The following PRPF38A variants were observed in gnomAD, a reference collection of about 807,000 sequenced individuals.
PRPF38A encodes the protein pre-mRNA-splicing factor 38A.
A neutral mutation model predicts 46.8 loss-of-function variants in PRPF38A; 11 were observed. That is an observed-to-expected ratio of 0.24 (90% CI 0.15 to 0.39). The LOEUF is 0.39. Ranked by LOEUF, PRPF38A falls within the 10% of genes least tolerant of loss-of-function variation. PRPF38A has a pLI of 1.00. For synonymous variants in PRPF38A, 124 were observed against 136.2 expected (o/e 0.91, Z 0.62); for missense variants, 261 against 407.5 (o/e 0.64, Z 3.10).
At chr1:52,405,023 T>C in intron 1 of PRPF38A, 144 bp downstream of exon 1, 2 of 855,318 alleles carry the variant, frequency 2.3e-6, no homozygotes, top group Non-Finnish European at 3.7e-6. Flanking sequence ...GAGTGCCTGC[T>C]AAGTGCCTCG....
intron 2 of PRPF38A, among the ~76,000 whole-genome samples, chr1:52,407,327 A>C (rs975979112): frequency 2.6e-5 from 4 of 152,210 alleles, no homozygotes; most frequent in African/African-American, 9.6e-5. Flanking sequence ...GAACGACTCT[A>C]ATAAAGCATT....
chr1:52,408,591 C>G lies in PRPF38A; in HGVS notation c.313C>G (p.Leu105Val). Reference protein sequence around the residue: ...DFKYVRMLGALYMRLTGTAID... With the variant: ...DFKYVRMLGAVYMRLTGTAID... ...CAGGTATGTCCGCATGCTGGGGGCA[C>G]TTTACATGAGGCTGACAGGCACTGC... is the stretch of plus-strand genomic sequence containing the variant. Residue 105 changes from leucine (L) to valine (V), a missense_variant, in exon 3 of 10, where the codon CTT becomes GTT. Transcript: ENST00000257181. 2 of 1,614,194 alleles carry G rather than the reference C, an allele frequency of 1.2e-6. No homozygotes were observed. Among genetic ancestry groups the G allele is most frequent in the Non-Finnish European group, 1.7e-6 (2 of 1,180,030 alleles).
rs558628691 is a variant in PRPF38A, at chr1:52,419,786, C to T, written c.*3096C>T. 7 of 152,406 alleles carry T rather than the reference C, an allele frequency of 4.6e-5. No homozygotes were observed. Among genetic ancestry groups the T allele is most frequent in the African/African-American group, 1.4e-4 (6 of 41,554 alleles). 9.4% of individuals were successfully genotyped at this position (152,406 alleles called of 1,614,324 possible). On this transcript the variant is annotated 3_prime_UTR_variant, in exon 10 of 10. Coordinates refer to ENST00000257181, the MANE Select transcript of PRPF38A (RefSeq NM_032864.4). ...AAAGAATTGGCCGGGTGCGGTGGCT[C>T]ACGCCTGTAATCCCAGCACTTTGGG...
At chr1:52,407,675 C>T (rs975946514) in intron 2 of PRPF38A, among the ~76,000 whole-genome samples, 4 of 152,188 alleles carry the variant, frequency 2.6e-5, no homozygotes, top group Non-Finnish European at 5.9e-5. Flanking sequence ...AATCCCAGCA[C>T]TTTGGGAGGC....
chr1:52,420,545 A>G lies in PRPF38A; in HGVS notation c.*3855A>G, dbSNP rs1416794224. 1.3e-5 allele frequency: 2 copies of G among 152,128 alleles called. No homozygotes were observed. The highest frequency in any genetic ancestry group is 2.9e-5 in the Non-Finnish European group (2 of 68,018). The allele number at this position is 152,128 out of a possible 1,614,324, so 9.4% of individuals were successfully genotyped here. On this transcript the variant is annotated 3_prime_UTR_variant, in exon 10 of 10. Transcript: ENST00000257181. ...ATTTTAGGAGAAATCTTACAAGACT[A>G]GATTCTCTTGTGGGGAAAAAAGTAT...
At chr1:52,408,241 AAAAAT>A (rs1161807108) in intron 2 of PRPF38A, 4 of 393,094 alleles carry the variant, frequency 1.0e-5, no homozygotes, top group Admixed American at 3.2e-5. Context: ...CTCTGCCTTA[AAAAAT>A]AAAATAAAAT....
rs146126180 is a variant in PRPF38A at position 52,411,105 on chromosome 1, T to C, written c.413-10T>C. On this transcript the variant is annotated splice_polypyrimidine_tract_variant and intron_variant, in intron 3 of 9. Transcript: ENST00000257181. ...TCCAGGTTGTTTGCTCTAATGACTT[T>C]TTCTTGCAGAGTTTGAATTGATGCA... 2.2e-4 allele frequency: 355 copies of C among 1,608,554 alleles called. 1 individual carries two copies. In the African/African-American group the frequency reaches 4.3e-3, roughly 19 times the overall value.
In PRPF38A at chr1:52,408,594, T is replaced by C. The variant is rs1465945131; in HGVS notation, c.316T>C (p.Tyr106His). The C allele has an allele frequency of 6.2e-7, 1 of 1,614,208 alleles. No individual in the cohort carries two copies. The highest frequency in any genetic ancestry group is 2.2e-5 in the East Asian group (1 of 44,890). ...FKYVRMLGAL[Y>H]MRLTGTAIDC... ...GTATGTCCGCATGCTGGGGGCACTT[T>C]ACATGAGGCTGACAGGCACTGCAAT... The change falls in exon 3 of 10, where the codon TAC becomes CAC. Residue 106 changes from tyrosine (Y) to histidine (H), a missense_variant. Transcript: ENST00000257181.
rs1407376646 is a variant in PRPF38A at position 52,418,897 on chromosome 1, C to G, written c.*2207C>G. Reference sequence around the variant, plus strand: ...GAATACTTACTATGCAAAGTGAATTCTGGTGTTTCCTACTTGTTAACAGTT... The same window carrying G: ...GAATACTTACTATGCAAAGTGAATTGTGGTGTTTCCTACTTGTTAACAGTT... On this transcript the variant is annotated 3_prime_UTR_variant, in exon 10 of 10. Coordinates refer to ENST00000257181, the MANE Select transcript of PRPF38A (RefSeq NM_032864.4). 5 of 152,208 alleles carry G rather than the reference C, an allele frequency of 3.3e-5. No individual in the cohort carries two copies. Among genetic ancestry groups the G allele is most frequent in the African/African-American group, 9.6e-5 (4 of 41,458 alleles). 9.4% of individuals were successfully genotyped at this position (152,208 alleles called of 1,614,324 possible). A position where few individuals can be genotyped will look rare whatever the true frequency, so the allele number is the denominator to read the frequency against.
At chr1:52,408,948 G>A (rs1648074025) in intron 3 of PRPF38A, 1 of 327,384 alleles carries the variant, frequency 3.1e-6, no homozygotes, top group Non-Finnish European at 5.7e-6. Flanking sequence ...TGCATCATAT[G>A]CCCCCTTTAC....
chr1:52,412,588 G>C lies in PRPF38A; in HGVS notation c.573G>C (p.Val191=), dbSNP rs765418566. The C allele has an allele frequency of 1.2e-6, 2 of 1,613,544 alleles. No individual in the cohort carries two copies. Among genetic ancestry groups the C allele is most frequent in the African/African-American group, 2.7e-5 (2 of 74,902 alleles). The stretch of plus-strand genomic sequence containing the variant: ...CTCTGGAAGAGGACATGGATGATGT[G>C]GAGTCCAGTGAAGAGGAAGAAGAGG... ...VSALEEDMDD[V]ESSEEEEEED... Residue 191 remains valine (V), a synonymous_variant, in exon 5 of 10, where the codon GTG becomes GTC. Coordinates refer to ENST00000257181, the MANE Select transcript of PRPF38A (RefSeq NM_032864.4).
intron 2 of PRPF38A, 130 bp downstream of exon 2, chr1:52,405,969 G>C (rs1647976672): frequency 2.7e-6 from 2 of 744,786 alleles, no homozygotes. Context: ...TTGCTTTTGA[G>C]CCCTTGAGTT....
At chr1:52,406,932 G>A (rs1262682972) in intron 2 of PRPF38A, among the ~76,000 whole-genome samples, 5 of 152,150 alleles carry the variant, frequency 3.3e-5, no homozygotes, top group Admixed American at 2.6e-4. Flanking sequence ...TCTGCTTCTC[G>A]TACAAAGAAA....
chr1:52,408,295 T>C, intron 2 of PRPF38A: 1 of 548,398 alleles, frequency 1.8e-6, no homozygotes. Flanking sequence ...TCCTGTGAGG[T>C]AAATAGGTTT....
Position 52,420,713 on chromosome 1 carries a change from T to C in PRPF38A, c.*4023T>C, listed in dbSNP as rs1557596276. The C allele has an allele frequency of 6.6e-6, 1 of 152,206 alleles. No homozygotes were observed. The highest frequency in any genetic ancestry group is 2.4e-5 in the African/African-American group (1 of 41,466). 9.4% of individuals were successfully genotyped at this position (152,206 alleles called of 1,614,324 possible). A position where few individuals can be genotyped will look rare whatever the true frequency, so the allele number is the denominator to read the frequency against. On this transcript the variant is annotated 3_prime_UTR_variant, in exon 10 of 10. Transcript: ENST00000257181. Reference sequence around the variant, plus strand: ...GATTAAGAGAGATGGTTGGAATGAATGAAGTTCACCAGATAGTACTTCTTT... The same window carrying C: ...GATTAAGAGAGATGGTTGGAATGAACGAAGTTCACCAGATAGTACTTCTTT...
chr1:52,408,073 A>C (rs1207726436), intron 2 of PRPF38A, among the ~76,000 whole-genome samples: 1 of 150,706 alleles, frequency 6.6e-6, no homozygotes, highest in Non-Finnish European at 1.5e-5. Context: ...AAATAAATAC[A>C]TAAATAAAAA....
At chr1:52,409,718 C>A (rs1648095420) in intron 3 of PRPF38A, 1 of 152,090 alleles carries the variant, frequency 6.6e-6, no homozygotes, top group African/African-American at 2.4e-5. Context: ...GGTGTAAATA[C>A]CATGGTGAAC....
chr1:52,413,889 T>C lies in PRPF38A; in HGVS notation c.620T>C (p.Val207Ala). The change falls in exon 6 of 10, where the codon GTG (valine) becomes GCG (alanine). Residue 207 changes from valine to alanine, a missense_variant. Transcript: ENST00000257181. ...EEEEDEKLER[V>A]PSPDHRRRSY... ...TCATCTTGTTTCCAGTTGGAAAGAG[T>C]GCCATCACCTGATCACCGCCGGAGA... is the stretch of plus-strand genomic sequence containing the variant. The C allele has an allele frequency of 1.9e-6, 3 of 1,611,796 alleles. 1 individual carries two copies. In the South Asian group the frequency reaches 3.3e-5, roughly 18 times the overall value.
intron 9 of PRPF38A, among the ~76,000 whole-genome samples, 153 bp downstream of exon 9, chr1:52,415,539 A>G (rs1199170643): frequency 6.6e-6 from 1 of 152,186 alleles, no homozygotes; most frequent in African/African-American, 2.4e-5. Context: ...CTGGGGTTAG[A>G]TAACTTTTTC....
Sources: allele counts gnomAD v4.1 joint callset (sites outside exome capture counted in the v4.1 genomes callset), GRCh38; gene constraint gnomAD v4.1.1; transcripts MANE v1.5; gene names NCBI Gene and HGNC (gene_info 2026-07-23, HGNC 2026-07-21).